Variants in M6PR observed in about 807,000 individuals in gnomAD.
M6PR encodes cation-dependent mannose-6-phosphate receptor.
M6PR carries 19 observed loss-of-function variants against 33.1 expected under a neutral mutation model. That is an observed-to-expected ratio of 0.57 (90% CI 0.40 to 0.84). The LOEUF is 0.84. M6PR is among the 40% of genes least tolerant of loss of function. M6PR has a pLI of 0.00. For synonymous variants in M6PR, 111 were observed against 123.4 expected (o/e 0.90, Z 0.67); for missense variants, 295 against 336.0 (o/e 0.88, Z 0.95).
chr12:8,945,678 C>T, intron 2 of M6PR, 94 bp from the exon 3 acceptor site: 1 of 968,400 alleles, frequency 1.0e-6, no homozygotes, highest in Admixed American at 2.6e-5. Flanking sequence ...ACAAAACAAA[C>T]AACATGCTCG....
rs758246039 is a variant in M6PR at position 8,943,907 on chromosome 12, T to G, written c.347A>C (p.Asn116Thr). 2.3e-5 allele frequency: 37 copies of G among 1,607,376 alleles called. No homozygotes were observed. Among genetic ancestry groups the G allele is most frequent in the Non-Finnish European group, 3.0e-5 (35 of 1,174,072 alleles). ...CCCTTTATAGATCAGCATGATCCAATTACCTGAGGAGGGACAAGGAAAATG... is the reference window on the plus strand; with the variant it reads ...CCCTTTATAGATCAGCATGATCCAAGTACCTGAGGAGGGACAAGGAAAATG... ...LNETHIFNGS[N>T]WIMLIYKGGD... The change falls in exon 4 of 7, where the codon AAT (asparagine) becomes ACT (threonine). Residue 116 changes from asparagine to threonine, a missense_variant. By Grantham distance (65) the Asn-to-Thr change is moderately conservative. Transcript: ENST00000000412.
Position 8,941,722 on chromosome 12 carries a change from T to A in M6PR, c.*96A>T, listed in dbSNP as rs1946011328. The A allele has an allele frequency of 6.9e-7, 1 of 1,449,818 alleles. No individual in the cohort carries two copies. Among genetic ancestry groups the A allele is most frequent in the African/African-American group, 1.4e-5 (1 of 71,338 alleles). 89.8% of individuals were successfully genotyped at this position (1,449,818 alleles called of 1,614,324 possible). ...TGGAAAGCAAGAGCAATAGTAAGGG[T>A]GAGATGAGGGACTGGAGTTGAGACT... On this transcript the variant is annotated 3_prime_UTR_variant, in exon 7 of 7. Coordinates refer to ENST00000000412, the MANE Select transcript of M6PR (RefSeq NM_002355.4).
chr12:8,944,182 T>TG (rs1456301256), intron 3 of M6PR, among the ~76,000 whole-genome samples: 1 of 152,226 alleles, frequency 6.6e-6, no homozygotes, highest in Non-Finnish European at 1.5e-5. Flanking sequence ...AAACCAATTA[T>TG]GATCCATACC....
At chr12:8,944,721 CA>C (rs1215989599) in intron 3 of M6PR, among the ~76,000 whole-genome samples, 1 of 151,304 alleles carries the variant, frequency 6.6e-6, no homozygotes, top group Non-Finnish European at 1.5e-5. Context: ...GAGTAGTTTG[CA>C]AAAAAAAGTT....
chr12:8,943,598 TAAAA>T (rs766350481), intron 4 of M6PR, 63 bp from the exon 5 acceptor site: 9 of 1,599,834 alleles, frequency 5.6e-6, no homozygotes, highest in African/African-American at 2.7e-5. Flanking sequence ...TCCAACAAAA[TAAAA>T]AACCCAAAAA....
At chr12:8,945,606 A>C in intron 2 of M6PR, 22 bp from the exon 3 acceptor site, 2 of 1,609,618 alleles carry the variant, frequency 1.2e-6, no homozygotes, top group Non-Finnish European at 1.7e-6. Flanking sequence ...AGTGGGAAGA[A>C]AGAAGAGGAG....
intron 5 of M6PR, among the ~76,000 whole-genome samples, 160 bp from the exon 6 acceptor site, chr12:8,942,702 A>C (rs1946035569): frequency 6.6e-6 from 1 of 152,260 alleles, no homozygotes; most frequent in Non-Finnish European, 1.5e-5. Flanking sequence ...GGTAACTCTT[A>C]GAAAACCAGT....
At position 8,941,639 on chromosome 12, in the gene M6PR, A is replaced by C; in HGVS notation, c.*179T>G. 2 of 686,106 alleles carry C rather than the reference A, an allele frequency of 2.9e-6. No individual in the cohort carries two copies. The highest frequency in any genetic ancestry group is 4.1e-4 in the Middle Eastern group (1 of 2,414). The allele number at this position is 686,106 out of a possible 1,614,324, so 42.5% of individuals were successfully genotyped here. ...GTACCTCTCTAGAGAAAAAACAGAA[A>C]ATAAGGAACAAAGGGAAGGCAGTTT... On this transcript the variant is annotated 3_prime_UTR_variant, in exon 7 of 7. Transcript: ENST00000000412.
At position 8,943,552 on chromosome 12, in the gene M6PR, A is replaced by G. The variant is rs768433460; in HGVS notation, c.454-17T>C. Reference sequence around the variant, plus strand: ...AAAATTGTCCTGATGATGAGATGGCATAACACATTCAGGTGGTTAAGTGTT... The same window carrying G: ...AAAATTGTCCTGATGATGAGATGGCGTAACACATTCAGGTGGTTAAGTGTT... On this transcript the variant is annotated splice_polypyrimidine_tract_variant and intron_variant, in intron 4 of 6. Transcript: ENST00000000412. 6.2e-7 allele frequency: 1 copy of G among 1,614,168 alleles called. No homozygotes were observed. The highest frequency in any genetic ancestry group is 8.5e-7 in the Non-Finnish European group (1 of 1,179,992).
chr12:8,943,812 G>A lies in M6PR; in HGVS notation c.442C>T (p.His148Tyr), dbSNP rs374400313. The change falls in exon 4 of 7, where the codon CAC (histidine) becomes TAC (tyrosine). Residue 148 changes from histidine (H) to tyrosine (Y), a missense_variant. His to Tyr is a moderately conservative substitution (Grantham distance 83). Coordinates refer to ENST00000000412, the MANE Select transcript of M6PR (RefSeq NM_002355.4). ...ACAGGGTGCCTCACCGCTAGGGTGT[G>A]TCGATTGCAGGAGATCATCACCACT... ...RAVVMISCNR[H>Y]TLADNFNPVS... 4 of 1,612,540 alleles carry A rather than the reference G, an allele frequency of 2.5e-6. No individual in the cohort carries two copies. In the East Asian group the frequency reaches 8.9e-5, roughly 36 times the overall value.
chr12:8,944,466 C>A (rs959591747), intron 3 of M6PR, among the ~76,000 whole-genome samples: 1 of 152,340 alleles, frequency 6.6e-6, no homozygotes, highest in Admixed American at 6.5e-5. Context: ...AAAGGTGATA[C>A]GACTTTCCAG....
intron 5 of M6PR, chr12:8,943,153 T>C (rs7309922): frequency 0.42 from 166,862 of 396,800 alleles, 37,275 homozygotes; most frequent in Middle Eastern, 0.46. Context: ...AGTTTCATCA[T>C]GTTGGTCAGG....
intron 5 of M6PR, 115 bp from the exon 6 acceptor site, chr12:8,942,657 A>C: frequency 8.8e-7 from 1 of 1,142,476 alleles, no homozygotes; most frequent in Non-Finnish European, 1.2e-6. Flanking sequence ...CTGAAAAGGA[A>C]AAATGAGTAG....
intron 1 of M6PR, among the ~76,000 whole-genome samples, chr12:8,948,156 G>A (rs1946127889): frequency 6.6e-6 from 1 of 152,186 alleles, no homozygotes; most frequent in East Asian, 1.9e-4. Context: ...GCCATTAGCT[G>A]AGTTGAACTA....
At chr12:8,944,721 C>CA (rs1215989599) in intron 3 of M6PR, among the ~76,000 whole-genome samples, 5 of 151,304 alleles carry the variant, frequency 3.3e-5, no homozygotes, top group Non-Finnish European at 5.9e-5. Context: ...GAGTAGTTTG[C>CA]AAAAAAAAGT....
intron 3 of M6PR, among the ~76,000 whole-genome samples, chr12:8,945,014 T>C (rs12317561): frequency 0.035 from 5,255 of 152,076 alleles, 312 homozygotes; most frequent in African/African-American, 0.12. Context: ...AAAAATTAGC[T>C]GGGCATGATG....
rs148949738 is a variant in M6PR at position 8,943,713 on chromosome 12, G to A, written c.453+88C>T. 136 of 1,346,740 alleles carry A rather than the reference G, an allele frequency of 1.0e-4. No individual in the cohort carries two copies. The African/African-American group carries it at 1.0e-3, about 10-fold the overall frequency. The allele number at this position is 1,346,740 out of a possible 1,614,324, so 83.4% of individuals were successfully genotyped here. A position where few individuals can be genotyped will look rare whatever the true frequency, so the allele number is the denominator to read the frequency against. ...CTAGTTTTCTAATGTCCATCCCAAC[G>A]TATCGTGTCCCCTCTGGATATTCTC... On this transcript the variant is annotated intron_variant, in intron 4 of 6. Coordinates refer to ENST00000000412, the MANE Select transcript of M6PR (RefSeq NM_002355.4).
rs187232239 is a variant in M6PR at position 8,946,549 on chromosome 12, C to T, written c.-1-144G>A. ...TCTCTGGCATATGCAACACATAGTA[C>T]ATTTTAATATCTCTGTAACAAGAGC... On this transcript the variant is annotated intron_variant, in intron 1 of 6. Coordinates refer to ENST00000000412, the MANE Select transcript of M6PR (RefSeq NM_002355.4). 2.0e-5 allele frequency: 12 copies of T among 588,598 alleles called. No individual in the cohort carries two copies. The East Asian group carries it at 3.1e-4, about 15-fold the overall frequency. The allele number at this position is 588,598 out of a possible 1,614,324, so 36.5% of individuals were successfully genotyped here. A position where few individuals can be genotyped will look rare whatever the true frequency, so the allele number is the denominator to read the frequency against.
intron 4 of M6PR, 50 bp from the exon 5 acceptor site, chr12:8,943,585 C>CT: frequency 6.2e-7 from 1 of 1,611,174 alleles, no homozygotes; most frequent in Non-Finnish European, 8.5e-7. Context: ...GTTTTGACTC[C>CT]TGTCCAACAA....
Sources: allele counts gnomAD v4.1 joint callset (sites outside exome capture counted in the v4.1 genomes callset), GRCh38; gene constraint gnomAD v4.1.1; transcripts MANE v1.5; gene names NCBI Gene and HGNC (gene_info 2026-07-23, HGNC 2026-07-21).